BCAT2: variants seen among roughly 807,000 people sequenced by gnomAD.
BCAT2 encodes branched-chain-amino-acid aminotransferase, mitochondrial.
BCAT2 carries 44 observed loss-of-function variants against 52.9 expected under a neutral mutation model. The observed-to-expected ratio is 0.83, with a 90% CI of 0.65 to 1.07. BCAT2 has a LOEUF of 1.07. Among genes scored for constraint, BCAT2 ranks in the 50% least tolerant of loss-of-function variants. The pLI is 0.00. For missense variants in BCAT2, 478 were observed against 521.8 expected (o/e 0.92, Z 0.82); for synonymous variants, 215 against 217.1 (o/e 0.99, Z 0.08).
At chr19:48,805,725 C>T (rs1483285991) in intron 3 of BCAT2, among the ~76,000 whole-genome samples, 4 of 136,738 alleles carry the variant, frequency 2.9e-5, no homozygotes, top group African/African-American at 5.6e-5. Context: ...CCCGGCTGTC[C>T]CTCTCCCGCC....
chr19:48,810,886 A>G, intron 1 of BCAT2, 98 bp downstream of exon 1: 1 of 1,547,936 alleles, frequency 6.5e-7, no homozygotes, highest in Non-Finnish European at 8.7e-7. Flanking sequence ...GGGCGGGAGG[A>G]GCGGCGCCGA....
rs1371561156 is a variant in BCAT2 at position 48,804,146 on chromosome 19, A to C, written c.300+2371T>G. 2.4e-5 allele frequency among the ~76,000 whole-genome samples: 3 copies of C among 123,912 alleles called. No individual in the cohort carries two copies. The East Asian group carries it at 6.6e-4, about 27-fold the overall frequency. 81.3% of individuals were successfully genotyped at this position (123,912 alleles called of 152,430 possible). ...ACTCCAGCCTGGGCAACAAGAGTGA[A>C]ACTCTATCTCATAAATAAATAAACA... On this transcript the variant is annotated intron_variant, in intron 3 of 10. Transcript: ENST00000316273.
intron 3 of BCAT2, among the ~76,000 whole-genome samples, chr19:48,803,159 C>T (rs774155194): frequency 4.6e-5 from 7 of 152,070 alleles, no homozygotes; most frequent in Non-Finnish European, 1.0e-4. Flanking sequence ...CATGCCACTG[C>T]ACTCCAGCCT....
At chr19:48,796,221 C>T (rs777587607) in intron 10 of BCAT2, 21 of 627,686 alleles carry the variant, frequency 3.3e-5, no homozygotes, top group Non-Finnish European at 5.5e-5. Context: ...GCTCCGGGAG[C>T]TCCCAGGAAA....
Position 48,799,824 on chromosome 19 carries a change from G to A in BCAT2, c.546C>T (p.Val182=). Residue 182 remains valine (V), a synonymous_variant, in exon 6 of 11, where the codon GTC becomes GTT. Transcript: ENST00000316273. The surrounding 1 kb of genome is among the most constrained non-coding windows in gnomAD (Gnocchi z 5.5). Reference sequence around the variant, plus strand: ...ACAGGAGCGCGCGCGTGGGCTGGCTGACACCCAGCGAGGGCTGCGACGGGC... The same window carrying A: ...ACAGGAGCGCGCGCGTGGGCTGGCTAACACCCAGCGAGGGCTGCGACGGGC... The part of the protein sequence containing the change: ...VLIGNEPSLG[V]SQPTRALLFV... 6.4e-7 allele frequency: 1 copy of A among 1,558,160 alleles called. No homozygotes were observed. The highest frequency in any genetic ancestry group is 1.2e-5 in the South Asian group (1 of 84,902).
Position 48,800,230 on chromosome 19 carries a change from T to A in BCAT2, c.368A>T (p.Asn123Ile), listed in dbSNP as rs755101235. The part of the protein sequence containing the change: ...QQVRLFRPWL[N>I]MDRMLRSAMR... ...GGCTGAGCGCAGCATCCGGTCCATGTTGAGCCAGGGGCGGAAGAGGCGCAC... is the reference window on the plus strand; with the variant it reads ...GGCTGAGCGCAGCATCCGGTCCATGATGAGCCAGGGGCGGAAGAGGCGCAC... Residue 123 changes from asparagine to isoleucine, a missense_variant, in exon 4 of 11, where the codon AAC (asparagine) becomes ATC (isoleucine). By Grantham distance (149) the Asn-to-Ile change is moderately radical (BLOSUM62 -3). Transcript: ENST00000316273. The A allele has an allele frequency of 6.2e-6, 10 of 1,613,750 alleles. No homozygotes were observed. The highest frequency in any genetic ancestry group is 7.6e-6 in the Non-Finnish European group (9 of 1,180,024).
chr19:48,805,566 G>A (rs1216780093), intron 3 of BCAT2, among the ~76,000 whole-genome samples: 10 of 152,042 alleles, frequency 6.6e-5, no homozygotes, highest in Admixed American at 6.6e-4. Context: ...TCCCGTTTGG[G>A]GTTTGGATTG....
At chr19:48,809,140 C>G (rs922969106) in intron 1 of BCAT2, among the ~76,000 whole-genome samples, 1 of 141,742 alleles carries the variant, frequency 7.1e-6, no homozygotes, top group Non-Finnish European at 1.5e-5. Context: ...GCAGGTGGAT[C>G]GCTTGAGCCC....
At chr19:48,795,906 C>T in intron 10 of BCAT2, 1 of 259,616 alleles carries the variant, frequency 3.9e-6, no homozygotes. Flanking sequence ...AGAGAGGGGC[C>T]AAGGTCCAGA....
chr19:48,796,808 C>T lies in BCAT2; in HGVS notation c.925-90G>A, dbSNP rs1289883132. The T allele has an allele frequency of 4.4e-6, 7 of 1,590,586 alleles. No homozygotes were observed. The Admixed American group carries it at 1.2e-4, about 27-fold the overall frequency. On this transcript the variant is annotated intron_variant, in intron 8 of 10. Coordinates refer to ENST00000316273, the MANE Select transcript of BCAT2 (RefSeq NM_001190.4). ...CCCTCCCTGAGGATAGTGAGAAAGA[C>T]AGAGGCCCAACGGGAGAGACAGACC...
chr19:48,801,008 G>A (rs34189956), intron 3 of BCAT2, among the ~76,000 whole-genome samples: 7,122 of 151,842 alleles, frequency 0.047, 188 homozygotes, highest in Middle Eastern at 0.082. Flanking sequence ...TTTGTTTTGA[G>A]ACAGGGTCTC....
At chr19:48,806,320 C>T (rs566122075) in intron 3 of BCAT2, among the ~76,000 whole-genome samples, 197 bp downstream of exon 3, 3 of 151,648 alleles carry the variant, frequency 2.0e-5, no homozygotes, top group East Asian at 2.0e-4. Context: ...GTGAAGGAAC[C>T]GGGTCTGCTC....
Position 48,807,261 on chromosome 19 carries a change from G to A in BCAT2, c.25-187C>T, listed in dbSNP as rs961739004. 20 of 541,690 alleles carry A rather than the reference G, an allele frequency of 3.7e-5. No individual in the cohort carries two copies. In the East Asian group the frequency reaches 4.3e-4, roughly 12 times the overall value. 33.6% of individuals were successfully genotyped at this position (541,690 alleles called of 1,614,324 possible). On this transcript the variant is annotated intron_variant, in intron 1 of 10. Transcript: ENST00000316273. The surrounding 1 kb of genome is among the most constrained non-coding windows in gnomAD (Gnocchi z 4.6). Reference sequence around the variant, plus strand: ...CCCCTCCCTGCCCTGACGAGGGCTCGCTGGAAAGAGCTGAGTCAGCTCCCG... The same window carrying A: ...CCCCTCCCTGCCCTGACGAGGGCTCACTGGAAAGAGCTGAGTCAGCTCCCG...
At position 48,810,929 on chromosome 19, in the gene BCAT2, G is replaced by C. The variant is rs2034908775; in HGVS notation, c.24+55C>G. The C allele has an allele frequency of 7.5e-6, 12 of 1,591,634 alleles. No homozygotes were observed. The South Asian group carries it at 1.3e-4, about 17-fold the overall frequency. Reference sequence around the variant, plus strand: ...CGGCTGCAGGCCAGTGGTCTTCCCGGAAGTGCGCCTCCCCCGGTTATTTCC... The same window carrying C: ...CGGCTGCAGGCCAGTGGTCTTCCCGCAAGTGCGCCTCCCCCGGTTATTTCC... On this transcript the variant is annotated intron_variant, in intron 1 of 10. Coordinates refer to ENST00000316273, the MANE Select transcript of BCAT2 (RefSeq NM_001190.4).
rs1225083069 is a variant in BCAT2, at chr19:48,795,140, GC to G, written c.*285del. On this transcript the variant is annotated 3_prime_UTR_variant, in exon 11 of 11. Transcript: ENST00000316273. ...AATCAACGGCAGCACCAGGGGTCTGGCCTGAGAACGGAGAGATCCGGAATCG... is the reference window on the plus strand; with the variant it reads ...AATCAACGGCAGCACCAGGGGTCTGGCTGAGAACGGAGAGATCCGGAATCG... 1 of 529,768 alleles carries G rather than the reference GC, an allele frequency of 1.9e-6. No individual in the cohort carries two copies. The highest frequency in any genetic ancestry group is 3.4e-6 in the Non-Finnish European group (1 of 294,954). The allele number at this position is 529,768 out of a possible 1,614,324, so 32.8% of individuals were successfully genotyped here.
chr19:48,795,599 G>T (rs1411763895), intron 10 of BCAT2, 135 bp from the exon 11 acceptor site: 1 of 987,858 alleles, frequency 1.0e-6, no homozygotes. Context: ...CTTCCCAGAG[G>T]GCCCCAACAA....
chr19:48,795,704 T>C (rs2034494859), intron 10 of BCAT2, among the ~76,000 whole-genome samples: 1 of 152,158 alleles, frequency 6.6e-6, no homozygotes, highest in Non-Finnish European at 1.5e-5. Flanking sequence ...CTAAGGCTCT[T>C]GGAAAAAGTC....
At chr19:48,805,804 C>G (rs1478752305) in intron 3 of BCAT2, among the ~76,000 whole-genome samples, 1 of 99,844 alleles carries the variant, frequency 1.0e-5, no homozygotes, top group South Asian at 4.2e-4. Context: ...ATCCCTCCCC[C>G]GGCTGTCCGT....
intron 1 of BCAT2, among the ~76,000 whole-genome samples, chr19:48,809,214 C>T (rs977948378): frequency 6.6e-6 from 1 of 151,784 alleles, no homozygotes; most frequent in Non-Finnish European, 1.5e-5. Flanking sequence ...TACAGTGAGC[C>T]GAGATCGTGC....
Sources: gnomAD v4.1 joint callset for allele counts (sites outside exome capture counted in the v4.1 genomes callset) on GRCh38, gnomAD v4.1.1 for gene constraint, Gnocchi (gnomAD v3.1) non-coding constraint, MANE v1.5 for transcripts, NCBI Gene and HGNC (gene_info 2026-07-23, HGNC 2026-07-21) for gene names.